Variants in PPA1 observed in about 807,000 individuals in gnomAD.
PPA1 encodes the protein inorganic pyrophosphatase.
Under a neutral mutation model 41.8 loss-of-function variants are expected in PPA1, and 23 were observed. That is an observed-to-expected ratio of 0.55 (90% CI 0.40 to 0.78). The LOEUF is 0.78. Ranked by LOEUF, PPA1 falls within the 30% of genes least tolerant of loss-of-function variation. The pLI is 0.00. For missense variants in PPA1, 320 were observed against 361.6 expected, an observed-to-expected ratio of 0.89 and a Z score of 0.93; for synonymous variants, 101 against 116.8, an observed-to-expected ratio of 0.86 and a Z score of 0.87.
chr10:70,224,595 C>T (rs958237047), intron 2 of PPA1, among the ~76,000 whole-genome samples: 1 of 152,148 alleles, frequency 6.6e-6, no homozygotes, highest in African/African-American at 2.4e-5. Context: ...AGGCTACGGC[C>T]ATTTGGTAGG....
chr10:70,206,174 A>C, intron 9 of PPA1, 90 bp downstream of exon 9: 2 of 1,018,862 alleles, frequency 2.0e-6, no homozygotes, highest in South Asian at 2.7e-5. Flanking sequence ...GCACTCAAGT[A>C]TTTGTCGAAA....
rs771927360 is a variant in PPA1, at chr10:70,213,499, T to G, written c.475A>C (p.Ile159Leu). Residue 159 changes from isoleucine to leucine, a missense_variant, in exon 6 of 11, where the codon ATT becomes CTT. By Grantham distance (5) the Ile-to-Leu change is conservative. Transcript: ENST00000373232. ...EGETDWKVIA[I>L]NVDDPDAANY... ...GCTGCATCAGGATCATCCACATTAA[T>G]GGCAATGACTTTCCAGTCGGTTTCC... is the stretch of plus-strand genomic sequence containing the variant. The G allele has an allele frequency of 1.2e-6, 2 of 1,614,084 alleles. No individual in the cohort carries two copies. Among genetic ancestry groups the G allele is most frequent in the Non-Finnish European group, 1.7e-6 (2 of 1,179,944 alleles).
At chr10:70,221,074 A>ATT (rs1186265851) in intron 2 of PPA1, among the ~76,000 whole-genome samples, 3 of 20,830 alleles carry the variant, frequency 1.4e-4, no homozygotes, top group Non-Finnish European at 2.1e-4. Flanking sequence ...ATATATATAT[A>ATT]TATTTTTTTT....
At position 70,207,912 on chromosome 10, in the gene PPA1, G is replaced by T. The variant is rs371578104; in HGVS notation, c.725+1293C>A. 9.2e-4 allele frequency among the ~76,000 whole-genome samples: 128 copies of T among 139,220 alleles called. 1 individual carries two copies. Among genetic ancestry groups the T allele is most frequent in the Middle Eastern group, 3.5e-3 (1 of 282 alleles). The allele number at this position is 139,220 out of a possible 152,430, so 91.3% of individuals were successfully genotyped here. ...GCCCAATTAGAAATATTCCATCAAG[G>T]CCGGGTGTGGTGGCTCACGCCTGTA... is the stretch of plus-strand genomic sequence containing the variant. On this transcript the variant is annotated intron_variant, in intron 8 of 10. Coordinates refer to ENST00000373232, the MANE Select transcript of PPA1 (RefSeq NM_021129.4).
Position 70,220,822 on chromosome 10 carries a change from T to TAC in PPA1, c.124-2006_124-2005insGT, listed in dbSNP as rs1564584311. Among the ~76,000 whole-genome samples the TAC allele has an allele frequency of 1.1e-4, 4 of 35,550 alleles. 1 individual carries two copies. The highest frequency in any genetic ancestry group is 1.7e-4 in the Non-Finnish European group (4 of 23,550). The allele number at this position is 35,550 out of a possible 152,430, so 23.3% of individuals were successfully genotyped here. A position where few individuals can be genotyped will look rare whatever the true frequency, so the allele number is the denominator to read the frequency against. On this transcript the variant is annotated intron_variant, in intron 2 of 10. Transcript: ENST00000373232. Reference sequence around the variant, plus strand: ...ATAATATATATAATTTTTATATATATTATATATATAATTTTTATATATATT... The same window carrying TAC: ...ATAATATATATAATTTTTATATATATACTATATATATAATTTTTATATATATT...
At chr10:70,210,276 C>T (rs1840001898) in intron 6 of PPA1, 1 of 771,550 alleles carries the variant, frequency 1.3e-6, no homozygotes, top group Non-Finnish European at 2.0e-6. Flanking sequence ...GGGGTCTCGT[C>T]ATGTTGCCCA....
intron 3 of PPA1, 167 bp downstream of exon 3, chr10:70,218,597 G>C: frequency 1.7e-6 from 1 of 585,308 alleles, no homozygotes; most frequent in Non-Finnish European, 3.0e-6. Context: ...AGTTTAGCTG[G>C]AGCCCAAAGG....
At chr10:70,224,051 C>A (rs959078396) in intron 2 of PPA1, among the ~76,000 whole-genome samples, 2 of 152,058 alleles carry the variant, frequency 1.3e-5, no homozygotes, top group Non-Finnish European at 2.9e-5. Context: ...TGCTGATAAA[C>A]CAGTGGGGGA....
At chr10:70,214,685 T>C in intron 4 of PPA1, 99 bp from the exon 5 acceptor site, 1 of 908,030 alleles carries the variant, frequency 1.1e-6, no homozygotes, top group Non-Finnish European at 1.7e-6. Context: ...CAGCTACTTT[T>C]TTCTCATTGT....
chr10:70,204,847 A>C, intron 10 of PPA1, 26 bp downstream of exon 10: 5 of 1,554,970 alleles, frequency 3.2e-6, no homozygotes, highest in Non-Finnish European at 4.4e-6. Context: ...ATGTTTAATG[A>C]AATTTTACTG....
intron 2 of PPA1, among the ~76,000 whole-genome samples, chr10:70,223,360 G>A (rs1197722070): frequency 6.6e-6 from 1 of 152,038 alleles, no homozygotes; most frequent in East Asian, 1.9e-4. Flanking sequence ...GCCTACAGGT[G>A]TGCACCACCA....
intron 2 of PPA1, among the ~76,000 whole-genome samples, chr10:70,221,027 AATAT>A (rs1554830621): frequency 1.7e-5 from 1 of 59,804 alleles, no homozygotes; most frequent in Non-Finnish European, 2.8e-5. Flanking sequence ...TTATATATAT[AATAT>A]ATATATAAAT....
At chr10:70,211,062 C>T (rs751590745) in intron 6 of PPA1, among the ~76,000 whole-genome samples, 10 of 152,136 alleles carry the variant, frequency 6.6e-5, no homozygotes, top group East Asian at 3.9e-4. Flanking sequence ...CGCGCCCGGC[C>T]GCTTCAATCC....
chr10:70,228,516 C>A (rs906579185), intron 2 of PPA1, among the ~76,000 whole-genome samples: 38 of 152,164 alleles, frequency 2.5e-4, no homozygotes, highest in African/African-American at 8.7e-4. Context: ...GTATGATATA[C>A]ATGCTATTAT....
intron 4 of PPA1, among the ~76,000 whole-genome samples, chr10:70,216,782 G>A (rs1840086200): frequency 6.6e-6 from 1 of 152,164 alleles, no homozygotes; most frequent in African/African-American, 2.4e-5. Flanking sequence ...ACTCATTATA[G>A]ATAAGATCCT....
intron 2 of PPA1, among the ~76,000 whole-genome samples, chr10:70,222,335 CAAAAAAAA>C (rs67974203): frequency 1.6e-4 from 12 of 73,160 alleles, no homozygotes; most frequent in South Asian, 5.2e-4. Flanking sequence ...GACTCCGTCT[CAAAAAAAA>C]AAAAAAAAAA....
intron 4 of PPA1, among the ~76,000 whole-genome samples, chr10:70,215,230 AAAAC>A (rs1484966432): frequency 2.0e-5 from 3 of 152,114 alleles, no homozygotes; most frequent in East Asian, 3.9e-4. Context: ...AAAAGAAAAC[AAAAC>A]AAACAAAAAT....
chr10:70,206,222 A>G, intron 9 of PPA1, 42 bp downstream of exon 9: 1 of 1,479,594 alleles, frequency 6.8e-7, no homozygotes, highest in Non-Finnish European at 9.4e-7. Context: ...CATAGTTTTT[A>G]GCAACCAGGC....
In PPA1 at chr10:70,204,870, T is replaced by C. The variant is rs375856864; in HGVS notation, c.838+3A>G. 14 of 1,583,532 alleles carry C rather than the reference T, an allele frequency of 8.8e-6. No individual in the cohort carries two copies. In the African/African-American group the frequency reaches 1.9e-4, roughly 21 times the overall value. ...TGAAATTTTACTGGAATAGAAATCT[T>C]ACCGTCTGTTGGTACTGTGCAGGCA... On this transcript the variant is annotated splice_donor_region_variant and intron_variant, in intron 10 of 10. Coordinates refer to ENST00000373232, the MANE Select transcript of PPA1 (RefSeq NM_021129.4).
Sources: allele counts gnomAD v4.1 joint callset (sites outside exome capture counted in the v4.1 genomes callset), GRCh38; gene constraint gnomAD v4.1.1; transcripts MANE v1.5; gene names NCBI Gene and HGNC (gene_info 2026-07-23, HGNC 2026-07-21).